The following C1QTNF3 variants were observed in gnomAD, a reference collection of about 807,000 sequenced individuals.
C1QTNF3 encodes the protein complement C1q tumor necrosis factor-related protein 3.
Under a neutral mutation model 32.6 loss-of-function variants are expected in C1QTNF3, and 26 were observed. The observed-to-expected ratio is 0.80, with a 90% CI of 0.58 to 1.11. C1QTNF3 has a LOEUF of 1.11. Ranked by LOEUF, C1QTNF3 falls within the 50% of genes least tolerant of loss-of-function variation. C1QTNF3 has a pLI of 0.00. For missense variants in C1QTNF3, 362 were observed against 398.2 expected, an observed-to-expected ratio of 0.91 and a Z score of 0.77; for synonymous variants, 155 against 146.0, an observed-to-expected ratio of 1.06 and a Z score of -0.44.
chr5:34,126,907 T>C, the C1QTNF3 span, among the ~76,000 whole-genome samples: 1 of 152,182 alleles, frequency 6.6e-6, no homozygotes, highest in Non-Finnish European at 1.5e-5. Context: ...GATTGAATCA[T>C]GGGGGCGGAC....
chr5:34,235,942 A>G, the C1QTNF3 span, among the ~76,000 whole-genome samples: 6 of 152,308 alleles, frequency 3.9e-5, no homozygotes, highest in African/African-American at 1.4e-4. Context: ...TAAGATAGGA[A>G]AAGCATTGCT....
At chr5:34,094,470 T>C in the C1QTNF3 span, among the ~76,000 whole-genome samples, 6 of 151,854 alleles carry the variant, frequency 4.0e-5, no homozygotes, top group Admixed American at 2.6e-4. Flanking sequence ...GCAAGTCCTA[T>C]GAATGTTTTT....
the C1QTNF3 span, among the ~76,000 whole-genome samples, chr5:34,159,482 G>T: frequency 4.6e-5 from 7 of 152,144 alleles, no homozygotes; most frequent in East Asian, 1.3e-3. Flanking sequence ...CATTAACAAG[G>T]TTGTACAATT....
At chr5:34,213,105 G>C in the C1QTNF3 span, among the ~76,000 whole-genome samples, 1 of 152,102 alleles carries the variant, frequency 6.6e-6, no homozygotes, top group Non-Finnish European at 1.5e-5. Context: ...CACTACCATA[G>C]GTCAAATGGA....
chr5:34,175,716 C>A, the C1QTNF3 span: 10 of 649,486 alleles, frequency 1.5e-5, no homozygotes, highest in African/African-American at 1.8e-4. Context: ...AACCAGCTTC[C>A]CCCCTTTGTT....
rs116829429 is a variant in C1QTNF3 at position 34,022,516 on chromosome 5, G to A, written c.800+1393C>T. 5.2e-3 allele frequency among the ~76,000 whole-genome samples: 785 copies of A among 152,332 alleles called. 10 individuals carry two copies. The highest frequency in any genetic ancestry group is 0.018 in the African/African-American group (748 of 41,570). On this transcript the variant is annotated intron_variant, in intron 5 of 5. Coordinates refer to ENST00000382065, the MANE Select transcript of C1QTNF3 (RefSeq NM_181435.6). ...GGGCTTTGAGCTGGATGCATTATTT[G>A]TGCTTCACAGGCTGTCTCCCATAGG... is the stretch of plus-strand genomic sequence containing the variant.
the C1QTNF3 span, among the ~76,000 whole-genome samples, chr5:34,115,221 T>C: frequency 2.0e-5 from 3 of 152,208 alleles, no homozygotes; most frequent in African/African-American, 7.2e-5. Flanking sequence ...TGTTGCTGTT[T>C]CTTAGTAAGC....
At chr5:34,235,553 T>TC in the C1QTNF3 span, among the ~76,000 whole-genome samples, 1 of 148,134 alleles carries the variant, frequency 6.8e-6, no homozygotes, top group Non-Finnish European at 1.5e-5. Flanking sequence ...TTTCTTTTTT[T>TC]TTTTTTTTTT....
At chr5:34,026,835 T>C (rs948200045) in intron 4 of C1QTNF3, among the ~76,000 whole-genome samples, 1 of 152,200 alleles carries the variant, frequency 6.6e-6, no homozygotes, top group Non-Finnish European at 1.5e-5. Flanking sequence ...AGAAAAAATG[T>C]TGTCATGTAG....
chr5:34,059,168 G>C, the C1QTNF3 span, among the ~76,000 whole-genome samples: 9 of 152,162 alleles, frequency 5.9e-5, no homozygotes, highest in Admixed American at 5.9e-4. Context: ...TTTGGGGGCT[G>C]GGAGCCCAAG....
chr5:34,046,294 T>C (rs568517281), upstream of C1QTNF3, among the ~76,000 whole-genome samples: 5 of 152,332 alleles, frequency 3.3e-5, no homozygotes, highest in Non-Finnish European at 5.9e-5. Context: ...GAGTCATGAA[T>C]TGCTGTTTGC....
the C1QTNF3 span, among the ~76,000 whole-genome samples, chr5:34,207,467 T>G: frequency 6.6e-6 from 1 of 152,170 alleles, no homozygotes; most frequent in Non-Finnish European, 1.5e-5. Context: ...AATTTTGTGG[T>G]TGTTCACTTT....
chr5:34,107,070 A>T, the C1QTNF3 span, among the ~76,000 whole-genome samples: 5 of 77,032 alleles, frequency 6.5e-5, no homozygotes, highest in Non-Finnish European at 1.3e-4. Context: ...ATTCATTTTC[A>T]CAGGAGTTGT....
the C1QTNF3 span, among the ~76,000 whole-genome samples, chr5:34,059,794 T>A: frequency 6.6e-6 from 1 of 152,032 alleles, no homozygotes; most frequent in Non-Finnish European, 1.5e-5. Context: ...ACATATAAAT[T>A]GGGGTGGAGG....
chr5:34,217,699 G>C, the C1QTNF3 span, among the ~76,000 whole-genome samples: 1 of 152,126 alleles, frequency 6.6e-6, no homozygotes, highest in Non-Finnish European at 1.5e-5. Context: ...TAGTGAAAAT[G>C]AGACCATGAA....
At chr5:34,097,403 T>G in the C1QTNF3 span, among the ~76,000 whole-genome samples, 1 of 150,920 alleles carries the variant, frequency 6.6e-6, no homozygotes, top group Non-Finnish European at 1.5e-5. Flanking sequence ...TGTGCATTTT[T>G]AACATTAAAT....
the C1QTNF3 span, among the ~76,000 whole-genome samples, chr5:34,052,962 G>A: frequency 1.3e-5 from 2 of 152,158 alleles, no homozygotes; most frequent in African/African-American, 2.4e-5. Flanking sequence ...AGATACTACA[G>A]GGTGTTGGTG....
the C1QTNF3 span, among the ~76,000 whole-genome samples, chr5:34,195,682 A>G: frequency 6.6e-6 from 1 of 152,266 alleles, no homozygotes; most frequent in Admixed American, 6.5e-5. Context: ...TCTACTAAAA[A>G]TACAAAAAAT....
chr5:34,128,434 A>G, the C1QTNF3 span, among the ~76,000 whole-genome samples: 2 of 152,220 alleles, frequency 1.3e-5, no homozygotes, highest in Admixed American at 1.3e-4. Context: ...CCACAGTCCT[A>G]TAGAACCCAG....
Sources: allele counts gnomAD v4.1 joint callset (sites outside exome capture counted in the v4.1 genomes callset), GRCh38; gene constraint gnomAD v4.1.1; transcripts MANE v1.5; gene names NCBI Gene and HGNC (gene_info 2026-07-23, HGNC 2026-07-21).